PCDH15: variants seen among roughly 807,000 people sequenced by gnomAD.
PCDH15 encodes protocadherin related 15, also known as protocadherin-15.
In PCDH15, 129 loss-of-function variants were observed where a neutral mutation model predicts 178.5. The observed-to-expected ratio is 0.72, with a 90% confidence interval of 0.63 to 0.84. PCDH15 has a LOEUF of 0.84. Ranked by LOEUF, PCDH15 falls within the 40% of genes least tolerant of loss-of-function variation. The pLI, the probability that PCDH15 is intolerant of heterozygous loss-of-function variation, is 0.00. For missense variants in PCDH15, 2,230 were observed against 2,099.9 expected, an observed-to-expected ratio of 1.06 and a Z score of -1.21; for synonymous variants, 800 against 732.0, an observed-to-expected ratio of 1.09 and a Z score of -1.50.
intron 2 of PCDH15, among the ~76,000 whole-genome samples, chr10:54,999,468 A>T (rs910715962): frequency 6.6e-6 from 1 of 152,212 alleles, no homozygotes; most frequent in Non-Finnish European, 1.5e-5. Flanking sequence ...TAATGAGGAA[A>T]AACTGATATG....
At chr10:55,102,503 C>G (rs1473569555) in intron 2 of PCDH15, among the ~76,000 whole-genome samples, 2 of 151,926 alleles carry the variant, frequency 1.3e-5, no homozygotes, top group Non-Finnish European at 2.9e-5. Flanking sequence ...ATAACTAATA[C>G]TAAAATAGAA....
At chr10:54,481,945 T>C (rs900084094) in intron 3 of PCDH15, among the ~76,000 whole-genome samples, 4 of 151,846 alleles carry the variant, frequency 2.6e-5, no homozygotes, top group Admixed American at 6.6e-5. Context: ...AATTCAATGT[T>C]AATACAGAGG....
At chr10:55,356,229 TA>T (rs1214154514) in intron 2 of PCDH15, among the ~76,000 whole-genome samples, 2 of 135,948 alleles carry the variant, frequency 1.5e-5, no homozygotes, top group Non-Finnish European at 3.2e-5. Flanking sequence ...GGGAAAGAAA[TA>T]AAAAAAGAAA....
At chr10:54,722,557 G>T (rs943280421) in intron 1 of PCDH15, among the ~76,000 whole-genome samples, 1 of 134,984 alleles carries the variant, frequency 7.4e-6, no homozygotes, top group Non-Finnish European at 1.6e-5. Context: ...GCAAAATAAA[G>T]AAAAGGCATT....
At chr10:55,582,625 TA>T (rs796355666) in intron 2 of PCDH15, among the ~76,000 whole-genome samples, 1,565 of 79,880 alleles carry the variant, frequency 0.02, 20 homozygotes, top group East Asian at 0.082. Flanking sequence ...TATATATATA[TA>T]TATTTTTTTT....
At chr10:55,166,085 A>T (rs1346803395) in intron 2 of PCDH15, among the ~76,000 whole-genome samples, 2 of 152,112 alleles carry the variant, frequency 1.3e-5, no homozygotes, top group African/African-American at 4.8e-5. Context: ...CTTCAGAAAC[A>T]CATAAAAGAA....
intron 21 of PCDH15, among the ~76,000 whole-genome samples, chr10:53,974,228 T>C (rs1351531825): frequency 1.3e-5 from 2 of 152,160 alleles, no homozygotes; most frequent in African/African-American, 4.8e-5. Context: ...TTGCCTAGGC[T>C]GCTCTCAAAC....
chr10:54,828,841 G>C (rs76858481), intron 3 of PCDH15, among the ~76,000 whole-genome samples: 3 of 151,870 alleles, frequency 2.0e-5, no homozygotes, highest in African/African-American at 4.8e-5. Context: ...GAAACAGATA[G>C]CCAGAAGTGT....
chr10:54,887,501 T>G (rs1372124735), intron 3 of PCDH15, among the ~76,000 whole-genome samples: 2 of 152,098 alleles, frequency 1.3e-5, no homozygotes, highest in African/African-American at 4.8e-5. Context: ...TATCATTCTA[T>G]TGTCAACATC....
chr10:55,249,183 G>C (rs1592019808), intron 1 of PCDH15, among the ~76,000 whole-genome samples: 1 of 152,182 alleles, frequency 6.6e-6, no homozygotes, highest in South Asian at 2.1e-4. Flanking sequence ...AGCAAATGCA[G>C]TAGAGATCTT....
chr10:53,961,629 G>T, intron 22 of PCDH15, 123 bp downstream of exon 22: 569 of 593,490 alleles, frequency 9.6e-4, no homozygotes, highest in East Asian at 1.8e-3. Context: ...AAAAAAAATT[G>T]TAATTTAAAA....
At position 55,262,007 on chromosome 10, in the gene PCDH15, GAGA is replaced by G. The variant is rs200275974; in HGVS notation, c.-156+57589_-156+57591del. 9.2e-5 allele frequency among the ~76,000 whole-genome samples: 12 copies of G among 130,298 alleles called. No individual in the cohort carries two copies. In the East Asian group the frequency reaches 2.2e-3, roughly 23 times the overall value. The allele number at this position is 130,298 out of a possible 152,430, so 85.5% of individuals were successfully genotyped here. On this transcript the variant is annotated intron_variant, in intron 1 of 5. Transcript: ENST00000458638. ...TTCACTGCTGGGAGAAAGAAAGAAA[GAGA>G]AGAAGAGAAAAACAAAGAAGGGAGG...
intron 13 of PCDH15, among the ~76,000 whole-genome samples, chr10:54,168,957 A>C (rs11818233): frequency 0.73 from 110,306 of 151,418 alleles, 41,364 homozygotes; most frequent in Middle Eastern, 0.82. Flanking sequence ...CTCCAGCACA[A>C]AAGAACTTCC....
chr10:54,504,461 G>C (rs1589758198), intron 3 of PCDH15, among the ~76,000 whole-genome samples: 1 of 151,894 alleles, frequency 6.6e-6, no homozygotes, highest in Non-Finnish European at 1.5e-5. Flanking sequence ...TCAATTCTGT[G>C]CCTTGCAGAT....
intron 8 of PCDH15, among the ~76,000 whole-genome samples, chr10:54,250,554 A>T (rs2056395780): frequency 6.6e-6 from 1 of 152,048 alleles, no homozygotes; most frequent in Non-Finnish European, 1.5e-5. Flanking sequence ...AAGTGCTGGG[A>T]TTACAGGCCT....
rs896389598 is a variant in PCDH15, at chr10:54,539,481, C to T, written c.92-11604G>A. Among the ~76,000 whole-genome samples, 14 of 152,250 alleles carry T rather than the reference C, an allele frequency of 9.2e-5. No individual in the cohort carries two copies. In the East Asian group the frequency reaches 2.7e-3, roughly 29 times the overall value. On this transcript the variant is annotated intron_variant, in intron 2 of 37. Coordinates refer to ENST00000644397, the MANE Select transcript of PCDH15 (RefSeq NM_001384140.1). ...TATTAGAGCATCCAAATTCATGAAA[C>T]AAGGACTTCTAAACCTACAAAAAGA...
intron 18 of PCDH15, among the ~76,000 whole-genome samples, chr10:54,056,282 A>G (rs2093885254): frequency 6.6e-6 from 1 of 152,098 alleles, no homozygotes. Context: ...AATATACAAC[A>G]CATTGCTGCT....
In PCDH15 at chr10:54,726,867, G is replaced by A. The variant is rs77196714; in HGVS notation, c.-28-62577C>T. 2.0e-3 allele frequency among the ~76,000 whole-genome samples: 306 copies of A among 150,574 alleles called. 4 individuals are homozygous for A. The highest frequency in any genetic ancestry group is 0.014 in the Admixed American group (209 of 15,034). Reference sequence around the variant, plus strand: ...GATTAAAAAGAAGAAAAAAAAAACAGAGTAAACAAAATAAACAAAATCTCT... The same window carrying A: ...GATTAAAAAGAAGAAAAAAAAAACAAAGTAAACAAAATAAACAAAATCTCT... On this transcript the variant is annotated intron_variant, in intron 1 of 37. Transcript: ENST00000644397.
At chr10:55,189,107 G>T (rs1344476837) in intron 1 of PCDH15, among the ~76,000 whole-genome samples, 1 of 151,784 alleles carries the variant, frequency 6.6e-6, no homozygotes, top group Non-Finnish European at 1.5e-5. Flanking sequence ...TTCCTACTGT[G>T]TTTCATGGCT....
Sources: gnomAD v4.1 joint callset for allele counts (sites outside exome capture counted in the v4.1 genomes callset) on GRCh38, gnomAD v4.1.1 for gene constraint, MANE v1.5 for transcripts, NCBI Gene and HGNC (gene_info 2026-07-23, HGNC 2026-07-21) for gene names.